The following DLAT variants were observed in gnomAD, a reference collection of about 807,000 sequenced individuals.
DLAT encodes dihydrolipoamide S-acetyltransferase.
A neutral mutation model predicts 68.0 loss-of-function variants in DLAT; 43 were observed. The observed-to-expected ratio is 0.63, with a 90% CI of 0.50 to 0.81. The LOEUF is 0.81. Ranked by LOEUF, DLAT falls within the 40% of genes least tolerant of loss-of-function variation. The probability of loss-of-function intolerance (pLI) is 0.00; values close to 1 mark genes in which losing one functional copy is unlikely to be tolerated. For missense variants in DLAT, 745 were observed against 815.4 expected (o/e 0.91, Z 1.05); for synonymous variants, 265 against 288.6 (o/e 0.92, Z 0.83).
intron 5 of DLAT, among the ~76,000 whole-genome samples, chr11:112,034,102 A>G (rs149743307): frequency 1.3e-5 from 2 of 152,310 alleles, no homozygotes; most frequent in South Asian, 2.1e-4. Context: ...AAGGCAATCA[A>G]TCTGTCAATT....
intron 7 of DLAT, among the ~76,000 whole-genome samples, chr11:112,040,392 C>G (rs987548782): frequency 3.9e-5 from 6 of 152,262 alleles, no homozygotes; most frequent in Middle Eastern, 3.4e-3. Flanking sequence ...AGGGTTCTTC[C>G]TTCCTGTTAA....
Position 112,051,085 on chromosome 11 carries a change from C to G in DLAT, c.1399-149C>G. ...TAGCTGATGCATGTGAGGCCTAATA[C>G]CTGGGTGATGGGTTGACAGGTGCAG... is the stretch of plus-strand genomic sequence containing the variant. On this transcript the variant is annotated intron_variant, in intron 10 of 13. Coordinates refer to ENST00000280346, the MANE Select transcript of DLAT (RefSeq NM_001931.5). This position sits in a 1 kb window ranked among gnomAD's most constrained non-coding sequence, Gnocchi z 4.3. The G allele has an allele frequency of 1.7e-6, 1 of 594,854 alleles. No homozygotes were observed. The highest frequency in any genetic ancestry group is 2.9e-6 in the Non-Finnish European group (1 of 339,434). 36.8% of individuals were successfully genotyped at this position (594,854 alleles called of 1,614,324 possible).
chr11:112,060,770 A>G (rs1186747656), intron 12 of DLAT, among the ~76,000 whole-genome samples: 1 of 152,180 alleles, frequency 6.6e-6, no homozygotes, highest in Non-Finnish European at 1.5e-5. Context: ...CTGGCCTGCC[A>G]CGTAACTCTT....
chr11:112,028,526 T>TA lies in DLAT; in HGVS notation c.396dup (p.Ala133SerfsTer6), dbSNP rs782173047. On this transcript the variant is annotated frameshift_variant, in exon 3 of 14. Coordinates refer to ENST00000280346, the MANE Select transcript of DLAT (RefSeq NM_001931.5). LOFTEE classifies it high-confidence loss of function. ...TTTTGTGTTAAAAGGTTGAAACTGA[T>TA]AAAGCCACTGTTGGATTTGAGAGCC... 2.5e-6 allele frequency: 4 copies of TA among 1,613,482 alleles called. No individual in the cohort carries two copies. Among genetic ancestry groups the TA allele is most frequent in the Admixed American group, 3.3e-5 (2 of 59,952 alleles).
intron 11 of DLAT, among the ~76,000 whole-genome samples, chr11:112,057,620 C>G (rs1864177986): frequency 6.6e-6 from 1 of 152,214 alleles, no homozygotes; most frequent in Non-Finnish European, 1.5e-5. Flanking sequence ...AAGGCCCTAA[C>G]TCTCTTCAAT....
In DLAT at chr11:112,055,848, CTTTTTTTTTTTTTTTTTTTTTTTTT is replaced by C. The variant is rs71060212; in HGVS notation, c.1515-4041_1515-4017del. Among the ~76,000 whole-genome samples, 13 of 31,992 alleles carry C rather than the reference CTTTTTTTTTTTTTTTTTTTTTTTTT, an allele frequency of 4.1e-4. No individual in the cohort carries two copies. In the East Asian group the frequency reaches 5.2e-3, roughly 13 times the overall value. The allele number at this position is 31,992 out of a possible 152,430, so 21.0% of individuals were successfully genotyped here. The stretch of plus-strand genomic sequence containing the variant: ...TCTCCTCTGTGCCAGCATATAGACA[CTTTTTTTTTTTTTTTTTTTTTTTTT>C]TTTTTTTTTTTTTGAGGTGGAGTCT... On this transcript the variant is annotated intron_variant, in intron 11 of 13. Transcript: ENST00000280346.
intron 5 of DLAT, among the ~76,000 whole-genome samples, chr11:112,035,248 C>T (rs1862640102): frequency 6.6e-6 from 1 of 152,186 alleles, no homozygotes; most frequent in South Asian, 2.1e-4. Context: ...AGCCCTGCCT[C>T]CCTGCCTTAC....
chr11:112,039,055 T>C lies in DLAT; in HGVS notation c.976-189T>C, dbSNP rs1862920028. The stretch of plus-strand genomic sequence containing the variant: ...TGTCTTTGATATAGAAGTATATTGT[T>C]CTCGCTGTTCGTATTACTACATTAT... On this transcript the variant is annotated intron_variant, in intron 6 of 13. Transcript: ENST00000280346. Among the ~76,000 whole-genome samples the C allele has an allele frequency of 2.0e-5, 3 of 152,154 alleles. No homozygotes were observed. The South Asian group carries it at 6.2e-4, about 32-fold the overall frequency.
chr11:112,028,792 G>T lies in DLAT; in HGVS notation c.507G>T (p.Lys169Asn). Residue 169 changes from lysine (K) to asparagine (N), a missense_variant and splice_region_variant, in exon 4 of 14, where the codon AAG becomes AAT. Lys to Asn is a moderately conservative substitution (Grantham distance 94). Coordinates refer to ENST00000280346, the MANE Select transcript of DLAT (RefSeq NM_001931.5). ...IGAIICITVGKPEDIEAFKNY... is the reference protein window; with the variant it reads ...IGAIICITVGNPEDIEAFKNY... ...TTTATGCATTCTTTCTCTTCCTTAG[G>T]CCTGAGGATATTGAGGCCTTTAAAA... The T allele has an allele frequency of 1.2e-6, 2 of 1,613,992 alleles. No individual in the cohort carries two copies. Among genetic ancestry groups the T allele is most frequent in the Non-Finnish European group, 1.7e-6 (2 of 1,180,010 alleles).
chr11:112,025,523 A>G lies in DLAT; in HGVS notation c.51A>G (p.Gly17=), dbSNP rs1861936805. ...RRAQNVAPWA[G]LEARWTALQE... ...CTCAGAATGTAGCCCCATGGGCGGGACTCGAGGCTCGGTGGACGGCCTTGC... is the reference window on the plus strand; with the variant it reads ...CTCAGAATGTAGCCCCATGGGCGGGGCTCGAGGCTCGGTGGACGGCCTTGC... Residue 17 remains glycine, a synonymous_variant, in exon 1 of 14, where the codon GGA becomes GGG. Coordinates refer to ENST00000280346, the MANE Select transcript of DLAT (RefSeq NM_001931.5). 1.2e-6 allele frequency: 2 copies of G among 1,612,576 alleles called. No homozygotes were observed. Among genetic ancestry groups the G allele is most frequent in the Non-Finnish European group, 1.7e-6 (2 of 1,179,642 alleles).
In DLAT at chr11:112,026,357, G is replaced by C. The variant is rs1451920975; in HGVS notation, c.381+58G>C. On this transcript the variant is annotated intron_variant, in intron 2 of 13. Coordinates refer to ENST00000280346, the MANE Select transcript of DLAT (RefSeq NM_001931.5). The stretch of plus-strand genomic sequence containing the variant: ...TTTATTTTTTTTATTGATCATTCTT[G>C]GGTGTTTCTCGCAGAGGGGGATTTG... 1.4e-5 allele frequency: 14 copies of C among 1,011,682 alleles called. No individual in the cohort carries two copies. The East Asian group carries it at 3.7e-4, about 27-fold the overall frequency. 62.7% of individuals were successfully genotyped at this position (1,011,682 alleles called of 1,614,324 possible).
At chr11:112,031,725 C>T (rs1434509017) in intron 4 of DLAT, among the ~76,000 whole-genome samples, 6 of 150,176 alleles carry the variant, frequency 4.0e-5, no homozygotes, top group Non-Finnish European at 3.0e-5. Context: ...AGGCACGTGC[C>T]ACCATGCCCA....
At position 112,025,716 on chromosome 11, in the gene DLAT, G is replaced by C. The variant is rs782428248; in HGVS notation, c.244G>C (p.Gly82Arg). 9 of 1,612,890 alleles carry C rather than the reference G, an allele frequency of 5.6e-6. No homozygotes were observed. The highest frequency in any genetic ancestry group is 7.6e-6 in the Non-Finnish European group (9 of 1,179,912). The change falls in exon 1 of 14, where the codon GGC (glycine) becomes CGC (arginine). Residue 82 changes from glycine to arginine, a missense_variant. Gly to Arg is a moderately radical substitution (Grantham distance 125, BLOSUM62 -2). Transcript: ENST00000280346. The part of the protein sequence containing the change: ...RLLLQLLGSP[G>R]RRYYSLPPHQ... ...ACTGCTGCAGCTTTTGGGGTCGCCC[G>C]GCCGCCGCTATTACAGTCTTCCCCC...
At chr11:112,036,974 T>A (rs1375477458) in intron 5 of DLAT, 50 of 372,038 alleles carry the variant, frequency 1.3e-4, no homozygotes, top group Non-Finnish European at 1.9e-4. Context: ...TTTCATAGTT[T>A]TATTGAACAG....
At chr11:112,039,020 G>C (rs587739870) in intron 6 of DLAT, among the ~76,000 whole-genome samples, 1 of 152,242 alleles carries the variant, frequency 6.6e-6, no homozygotes, top group Admixed American at 6.5e-5. Flanking sequence ...ATGGAATAAG[G>C]TAACTGTTCT....
chr11:112,060,809 A>C (rs1555183147), intron 12 of DLAT, among the ~76,000 whole-genome samples: 3 of 152,186 alleles, frequency 2.0e-5, no homozygotes, highest in African/African-American at 7.2e-5. Flanking sequence ...AAATAAAGTA[A>C]AATTCAATCA....
At position 112,045,189 on chromosome 11, in the gene DLAT, A is replaced by T; in HGVS notation, c.1249A>T (p.Thr417Ser). The T allele has an allele frequency of 6.2e-7, 1 of 1,614,100 alleles. No homozygotes were observed. Among genetic ancestry groups the T allele is most frequent in the Non-Finnish European group, 8.5e-7 (1 of 1,180,010 alleles). Residue 417 changes from threonine to serine, a missense_variant, in exon 9 of 14, where the codon ACA becomes TCA. Transcript: ENST00000280346. Reference protein sequence around the residue: ...PTGPGMAPVPTGVFTDIPISN... With the variant: ...PTGPGMAPVPSGVFTDIPISN... ...AGGTCCTGGAATGGCACCAGTTCCT[A>T]CAGGTGTCTTCACAGATATCCCAAT...
rs1311809853 is a variant in DLAT, at chr11:112,036,167, A to ATGTGTGTG, written c.788-1078_788-1071dup. On this transcript the variant is annotated intron_variant, in intron 5 of 13. Coordinates refer to ENST00000280346, the MANE Select transcript of DLAT (RefSeq NM_001931.5). The stretch of plus-strand genomic sequence containing the variant: ...TATATATATATATGTGTGTGTATAT[A>ATGTGTGTG]TGTGTGTGTGTGTGTGTGTGTGTGT... Among the ~76,000 whole-genome samples the ATGTGTGTG allele has an allele frequency of 3.6e-3, 298 of 82,548 alleles. 2 individuals carry two copies. The highest frequency in any genetic ancestry group is 8.3e-3 in the African/African-American group (154 of 18,476). The allele number at this position is 82,548 out of a possible 152,430, so 54.2% of individuals were successfully genotyped here.
At chr11:112,027,018 G>A (rs1220683153) in intron 2 of DLAT, among the ~76,000 whole-genome samples, 2 of 151,340 alleles carry the variant, frequency 1.3e-5, no homozygotes, top group East Asian at 1.9e-4. Context: ...CCTCCCAGAC[G>A]GGGCGGCTGG....
Sources: gnomAD v4.1 joint callset for allele counts (sites outside exome capture counted in the v4.1 genomes callset) on GRCh38, gnomAD v4.1.1 for gene constraint, Gnocchi (gnomAD v3.1) non-coding constraint, MANE v1.5 for transcripts, NCBI Gene and HGNC (gene_info 2026-07-23, HGNC 2026-07-21) for gene names.